The following PSEN1 variants were observed in gnomAD, a reference collection of about 807,000 sequenced individuals.
PSEN1 encodes the protein presenilin-1.
A neutral mutation model predicts 53.5 loss-of-function variants in PSEN1; 15 were observed. The ratio of observed to expected loss-of-function variants is 0.28; its 90% CI spans 0.19 to 0.43. PSEN1 has a LOEUF of 0.43. Ranked by LOEUF, PSEN1 falls within the 20% of genes least tolerant of loss-of-function variation. The pLI, the probability that PSEN1 is intolerant of heterozygous loss-of-function variation, is 1.00. For synonymous variants in PSEN1, 208 were observed against 209.8 expected (o/e 0.99, Z 0.08); for missense variants, 387 against 571.2 (o/e 0.68, Z 3.29).
intron 6 of PSEN1, among the ~76,000 whole-genome samples, chr14:73,188,451 G>GC (rs1898596580): frequency 6.6e-6 from 1 of 152,072 alleles, no homozygotes; most frequent in Non-Finnish European, 1.5e-5. Flanking sequence ...GTTGAAAGTT[G>GC]GATACCAACC....
At chr14:73,141,248 T>C (rs1024798433) in intron 1 of PSEN1, among the ~76,000 whole-genome samples, 53 of 149,996 alleles carry the variant, frequency 3.5e-4, no homozygotes, top group African/African-American at 1.3e-3. Flanking sequence ...GGGGAGGGAG[T>C]GAATATTGGC....
At chr14:73,184,703 C>T (rs1299317512) in intron 5 of PSEN1, among the ~76,000 whole-genome samples, 11 of 151,426 alleles carry the variant, frequency 7.3e-5, no homozygotes, top group Admixed American at 2.0e-4. Flanking sequence ...GCTGACCCCC[C>T]CACCTCCCTC....
chr14:73,151,975 G>A (rs1381210983), intron 3 of PSEN1, among the ~76,000 whole-genome samples: 2 of 118,776 alleles, frequency 1.7e-5, no homozygotes, highest in African/African-American at 3.3e-5. Context: ...GCAGTGGCAC[G>A]ATCTCGGCTC....
At position 73,148,087 on chromosome 14, in the gene PSEN1, G is replaced by A. The variant is rs568497767; in HGVS notation, c.68G>A (p.Ser23Asn). 5 of 1,613,656 alleles carry A rather than the reference G, an allele frequency of 3.1e-6. No homozygotes were observed. In the South Asian group the frequency reaches 4.4e-5, roughly 14 times the overall value. ...CAGATGTCTGAGGACAACCACCTGA[G>A]CAATACTGTACGTAGCCAGGTACAG... Reference protein sequence around the residue: ...NAQMSEDNHLSNTVRSQNDNR... With the variant: ...NAQMSEDNHLNNTVRSQNDNR... The change falls in exon 3 of 12, where the codon AGC becomes AAC. Residue 23 changes from serine to asparagine, a missense_variant. This residue lies in a region of PSEN1 where 99 missense variants were observed against 101.5 expected (regional missense o/e 0.98). Transcript: ENST00000324501.
chr14:73,198,946 T>C (rs368987122), intron 8 of PSEN1, among the ~76,000 whole-genome samples: 1 of 151,992 alleles, frequency 6.6e-6, no homozygotes, highest in African/African-American at 2.4e-5. Flanking sequence ...GCTAATTTTT[T>C]TGTGTTGTGT....
At position 73,172,915 on chromosome 14, in the gene PSEN1, T is replaced by C. The variant is rs138312917; in HGVS notation, c.339-651T>C. ...GGAAGGAGTAGGGGAGAAAAGAACA[T>C]AGGACATGTCAGCAGAATTCTCTCC... On this transcript the variant is annotated intron_variant, in intron 4 of 11. Transcript: ENST00000324501. 1.3e-3 allele frequency among the ~76,000 whole-genome samples: 192 copies of C among 152,218 alleles called. 2 individuals carry two copies. Among genetic ancestry groups the C allele is most frequent in the Admixed American group, 7.1e-3 (108 of 15,270 alleles).
chr14:73,152,574 C>T (rs145101663), intron 3 of PSEN1, among the ~76,000 whole-genome samples: 3,657 of 151,606 alleles, frequency 0.024, 150 homozygotes, highest in African/African-American at 0.081. Flanking sequence ...GCCACTGCAC[C>T]CCAGTGCAGT....
At chr14:73,206,316 G>A (rs1313729407) in intron 8 of PSEN1, 70 bp from the exon 9 acceptor site, 3 of 1,058,630 alleles carry the variant, frequency 2.8e-6, no homozygotes, top group East Asian at 2.4e-5. Context: ...GTGGAGAAAT[G>A]ATGGCTTGTT....
At chr14:73,151,171 A>AAT (rs1897213124) in intron 3 of PSEN1, among the ~76,000 whole-genome samples, 1 of 152,220 alleles carries the variant, frequency 6.6e-6, no homozygotes, top group Non-Finnish European at 1.5e-5. Flanking sequence ...TCCTATGTAG[A>AAT]ATTTTGGGCA....
At chr14:73,215,418 T>C (rs933940721) in intron 10 of PSEN1, among the ~76,000 whole-genome samples, 1 of 151,770 alleles carries the variant, frequency 6.6e-6, no homozygotes, top group African/African-American at 2.4e-5. Context: ...ACCTCATATC[T>C]ACTAAAAATA....
intron 5 of PSEN1, among the ~76,000 whole-genome samples, chr14:73,182,507 TAAAAA>T (rs924149870): frequency 6.8e-6 from 1 of 147,756 alleles, no homozygotes; most frequent in African/African-American, 2.5e-5. Context: ...AAAAAATAAT[TAAAAA>T]AAAAATATTT....
At chr14:73,165,140 G>C (rs1051984713) in intron 3 of PSEN1, among the ~76,000 whole-genome samples, 19 of 152,042 alleles carry the variant, frequency 1.2e-4, no homozygotes, top group African/African-American at 4.6e-4. Flanking sequence ...ATTTTTAATA[G>C]AGACAGGGTT....
chr14:73,179,690 A>G (rs548594211), intron 5 of PSEN1, among the ~76,000 whole-genome samples: 98 of 152,340 alleles, frequency 6.4e-4, no homozygotes, highest in Non-Finnish European at 1.1e-3. Context: ...TCCTCAAGCC[A>G]GAACTAGAGG....
chr14:73,217,387 C>T lies in PSEN1; in HGVS notation c.1248+143C>T, dbSNP rs190315377. On this transcript the variant is annotated intron_variant, in intron 11 of 11. Transcript: ENST00000324501. ...GGAGCTTTTTGATAATTGGACCTCA[C>T]CTTAGTAGTTCTCTACCCTGGCCAC... 1.9e-3 allele frequency: 1,700 copies of T among 897,280 alleles called. 24 individuals carry two copies. The highest frequency in any genetic ancestry group is 0.013 in the South Asian group (935 of 69,864). The allele number at this position is 897,280 out of a possible 1,614,324, so 55.6% of individuals were successfully genotyped here.
chr14:73,216,260 T>C lies in PSEN1; in HGVS notation c.1130-866T>C, dbSNP rs177414. 3.7e-3 allele frequency among the ~76,000 whole-genome samples: 565 copies of C among 152,308 alleles called. 4 individuals carry two copies. The highest frequency in any genetic ancestry group is 0.013 in the African/African-American group (536 of 41,546). ...TTGAGATAGAAAGCAGATCACTGGT[T>C]GCTTAAGGCCTAGGGTAGGAGTGGG... On this transcript the variant is annotated intron_variant, in intron 10 of 11. Coordinates refer to ENST00000324501, the MANE Select transcript of PSEN1 (RefSeq NM_000021.4).
chr14:73,178,963 C>A (rs924347997), intron 5 of PSEN1, among the ~76,000 whole-genome samples: 2 of 152,042 alleles, frequency 1.3e-5, no homozygotes, highest in South Asian at 4.2e-4. Flanking sequence ...TTGTCAGGGT[C>A]GGTGTGTACT....
intron 3 of PSEN1, among the ~76,000 whole-genome samples, chr14:73,155,888 G>A (rs1342716354): frequency 6.6e-6 from 1 of 152,140 alleles, no homozygotes; most frequent in Non-Finnish European, 1.5e-5. Flanking sequence ...ACACCAAAAA[G>A]TGAACCCTAA....
intron 7 of PSEN1, among the ~76,000 whole-genome samples, chr14:73,196,707 A>G (rs1157295322): frequency 6.6e-6 from 1 of 151,446 alleles, no homozygotes; most frequent in African/African-American, 2.4e-5. Flanking sequence ...ACTCCTGAGC[A>G]CAAGTGATCT....
chr14:73,209,791 A>G (rs1899604517), intron 9 of PSEN1, among the ~76,000 whole-genome samples: 2 of 152,202 alleles, frequency 1.3e-5, no homozygotes, highest in South Asian at 2.1e-4. Context: ...GAGCTTTCCA[A>G]GAGAGGGACA....
Sources: allele counts gnomAD v4.1 joint callset (sites outside exome capture counted in the v4.1 genomes callset), GRCh38; gene constraint gnomAD v4.1.1; regional missense constraint gnomAD v4.1.1; transcripts MANE v1.5; gene names NCBI Gene and HGNC (gene_info 2026-07-23, HGNC 2026-07-21).